CCDC60: variants seen among roughly 807,000 people sequenced by gnomAD.
CCDC60 encodes coiled-coil domain containing 60, also known as coiled-coil domain-containing protein 60.
CCDC60 carries 54 observed loss-of-function variants against 63.5 expected under a neutral mutation model. The observed-to-expected ratio is 0.85, with a 90% CI of 0.68 to 1.07. The LOEUF (loss-of-function observed/expected upper bound fraction) is 1.07, where lower values mean the gene tolerates loss of function less well. CCDC60 is among the 50% of genes least tolerant of loss of function. CCDC60 has a pLI of 0.00. For missense variants in CCDC60, 651 were observed against 684.3 expected (o/e 0.95, Z 0.54); for synonymous variants, 206 against 238.8 (o/e 0.86, Z 1.27).
At chr12:119,479,868 T>TTGTA (rs1335355214) in intron 4 of CCDC60, 2 of 152,098 alleles carry the variant, frequency 1.3e-5, no homozygotes, top group African/African-American at 2.4e-5. Context: ...GTCCTGTGTA[T>TTGTA]TGTAGGATGT....
At chr12:119,424,756 TAAAC>T (rs1956872325) in intron 1 of CCDC60, among the ~76,000 whole-genome samples, 2 of 152,210 alleles carry the variant, frequency 1.3e-5, no homozygotes, top group South Asian at 4.1e-4. Flanking sequence ...TAATTTTAAT[TAAAC>T]AAAACTATAA....
chr12:119,448,762 T>G (rs1775975936), intron 2 of CCDC60, among the ~76,000 whole-genome samples: 1 of 152,184 alleles, frequency 6.6e-6, no homozygotes, highest in Non-Finnish European at 1.5e-5. Flanking sequence ...GAACTCTTAA[T>G]AGCAGTTGCC....
chr12:119,446,967 C>T (rs1476689258), intron 2 of CCDC60, among the ~76,000 whole-genome samples: 1 of 152,094 alleles, frequency 6.6e-6, no homozygotes, highest in African/African-American at 2.4e-5. Context: ...GAGTCAGGCA[C>T]TGGGCTAGGA....
At chr12:119,391,711 T>A (rs1337294267) in intron 1 of CCDC60, among the ~76,000 whole-genome samples, 1 of 152,268 alleles carries the variant, frequency 6.6e-6, no homozygotes, top group Non-Finnish European at 1.5e-5. Context: ...ACTGTTGTTG[T>A]TGGTACTCCT....
intron 5 of CCDC60, among the ~76,000 whole-genome samples, chr12:119,490,086 G>A (rs139946208): frequency 1.5e-4 from 23 of 152,222 alleles, no homozygotes; most frequent in Middle Eastern, 3.4e-3. Flanking sequence ...GTGAGCCACC[G>A]CGCCCGGCCA....
intron 7 of CCDC60, among the ~76,000 whole-genome samples, chr12:119,515,390 G>A (rs879808578): frequency 2.6e-5 from 4 of 151,312 alleles, no homozygotes; most frequent in Admixed American, 6.6e-5. Flanking sequence ...GTGTGATCTC[G>A]GCTCACTGCA....
At chr12:119,479,360 A>G (rs970183864) in intron 4 of CCDC60, 159 bp downstream of exon 4, 7 of 596,022 alleles carry the variant, frequency 1.2e-5, no homozygotes, top group Non-Finnish European at 2.1e-5. Context: ...TATAAAAATA[A>G]CAGAAAGTAG....
chr12:119,440,754 A>G (rs937737919), intron 2 of CCDC60, among the ~76,000 whole-genome samples: 2 of 151,974 alleles, frequency 1.3e-5, no homozygotes, highest in African/African-American at 4.8e-5. Flanking sequence ...CCACAAAGAG[A>G]CCTTGGCCAA....
intron 5 of CCDC60, among the ~76,000 whole-genome samples, chr12:119,489,490 G>T (rs1340490538): frequency 6.6e-6 from 1 of 152,170 alleles, no homozygotes; most frequent in South Asian, 2.1e-4. Flanking sequence ...CAAGAGAAGC[G>T]TTAGGTGTCC....
intron 5 of CCDC60, among the ~76,000 whole-genome samples, chr12:119,489,220 C>A (rs1951526571): frequency 6.6e-6 from 1 of 152,144 alleles, no homozygotes; most frequent in Admixed American, 6.5e-5. Flanking sequence ...CAACTCTCTT[C>A]TTGGACTGCG....
intron 11 of CCDC60, among the ~76,000 whole-genome samples, 170 bp downstream of exon 11, chr12:119,523,988 T>C (rs1952607174): frequency 6.6e-6 from 1 of 152,162 alleles, no homozygotes; most frequent in Admixed American, 6.5e-5. Flanking sequence ...AATAACTGCA[T>C]CCATAAATAT....
At chr12:119,510,981 G>A (rs763437439) in intron 7 of CCDC60, among the ~76,000 whole-genome samples, 101 of 152,144 alleles carry the variant, frequency 6.6e-4, no homozygotes, top group Non-Finnish European at 1.2e-3. Context: ...AAGAATCACA[G>A]TTCAATTACT....
intron 3 of CCDC60, among the ~76,000 whole-genome samples, chr12:119,472,576 CTTTTTTT>C (rs11303138): frequency 8.2e-5 from 8 of 97,646 alleles, no homozygotes; most frequent in East Asian, 3.8e-4. Flanking sequence ...AAAATGCCTC[CTTTTTTT>C]TTTTTTTTTT....
chr12:119,535,860 G>T (rs149265051), intron 13 of CCDC60, among the ~76,000 whole-genome samples: 197 of 152,330 alleles, frequency 1.3e-3, no homozygotes, highest in African/African-American at 4.5e-3. Context: ...TGGAATAAGT[G>T]CGATGTGGTG....
chr12:119,335,775 T>C (rs1955464602), intron 1 of CCDC60, among the ~76,000 whole-genome samples: 1 of 151,956 alleles, frequency 6.6e-6, no homozygotes, highest in African/African-American at 2.4e-5. Context: ...TGGTACTTTC[T>C]TTTGCTGTAC....
chr12:119,453,258 G>A (rs1950667095), intron 2 of CCDC60, among the ~76,000 whole-genome samples: 1 of 152,130 alleles, frequency 6.6e-6, no homozygotes, highest in East Asian at 1.9e-4. Flanking sequence ...TGTGATATGG[G>A]ATCTTCAGAT....
At position 119,410,497 on chromosome 12, in the gene CCDC60, A is replaced by G. The variant is rs987231901; in HGVS notation, c.91-18186A>G. 1.3e-5 allele frequency among the ~76,000 whole-genome samples: 2 copies of G among 151,996 alleles called. No individual in the cohort carries two copies. The highest frequency in any genetic ancestry group is 2.9e-5 in the Non-Finnish European group (2 of 67,990). On this transcript the variant is annotated intron_variant, in intron 1 of 13. Coordinates refer to ENST00000327554, the MANE Select transcript of CCDC60 (RefSeq NM_178499.5). The surrounding 1 kb of genome is among the most constrained non-coding windows in gnomAD (Gnocchi z 4.0). ...TTTGCCGAAATGGCTTCTCAACAGC[A>G]TTACCAGCTTCAGGAATGTTCTCTC... is the stretch of plus-strand genomic sequence containing the variant.
chr12:119,401,372 A>G (rs1956389071), intron 1 of CCDC60, among the ~76,000 whole-genome samples: 2 of 152,160 alleles, frequency 1.3e-5, no homozygotes, highest in South Asian at 2.1e-4. Context: ...CCATCCATCC[A>G]TCCTTTCATT....
intron 1 of CCDC60, among the ~76,000 whole-genome samples, chr12:119,425,545 T>C (rs777513759): frequency 1.9e-4 from 29 of 152,152 alleles, no homozygotes; most frequent in Non-Finnish European, 3.2e-4. Context: ...ATAAAGGAAA[T>C]GTTCATGAAA....
Sources: allele counts gnomAD v4.1 joint callset (sites outside exome capture counted in the v4.1 genomes callset), GRCh38; gene constraint gnomAD v4.1.1; non-coding constraint Gnocchi (gnomAD v3.1); transcripts MANE v1.5; gene names NCBI Gene and HGNC (gene_info 2026-07-23, HGNC 2026-07-21).